DRC11: variants seen among roughly 807,000 people sequenced by gnomAD.
DRC11 encodes dynein regulatory complex subunit 11, also known as IQ and AAA domain-containing protein 1.
the DRC11 span, among the ~76,000 whole-genome samples, chr2:236,364,839 T>C: frequency 1.3e-5 from 2 of 152,176 alleles, no homozygotes; most frequent in African/African-American, 4.8e-5. Context: ...TATGCTTTTC[T>C]TTTTTCTTGT....
At chr2:236,333,747 G>C in the DRC11 span, among the ~76,000 whole-genome samples, 1 of 152,178 alleles carries the variant, frequency 6.6e-6, no homozygotes, top group South Asian at 2.1e-4. This position sits in a 1 kb window ranked among gnomAD's most constrained non-coding sequence, Gnocchi z 6.0. Flanking sequence ...CACAATCTTG[G>C]AAGTTTTCTG....
chr2:236,441,077 C>T, the DRC11 span: 2 of 1,561,372 alleles, frequency 1.3e-6, no homozygotes, highest in Non-Finnish European at 1.7e-6. Context: ...AATAGCTGAC[C>T]CTCCTTCTTC....
the DRC11 span, among the ~76,000 whole-genome samples, chr2:236,460,549 C>T: frequency 2.0e-5 from 3 of 152,098 alleles, no homozygotes; most frequent in African/African-American, 7.2e-5. The surrounding 1 kb of genome is among the most constrained non-coding windows in gnomAD (Gnocchi z 4.0). Flanking sequence ...GTAAAATCAA[C>T]CCAAATAGAT....
the DRC11 span, among the ~76,000 whole-genome samples, chr2:236,492,671 A>C: frequency 6.6e-6 from 1 of 152,200 alleles, no homozygotes; most frequent in Admixed American, 6.5e-5. Context: ...GTGAGGCAGT[A>C]AGTTACTGAA....
the DRC11 span, chr2:236,441,071 G>T: frequency 6.4e-7 from 1 of 1,560,510 alleles, no homozygotes; most frequent in East Asian, 2.4e-5. Flanking sequence ...AAAAATAATA[G>T]CTGACCCTCC....
the DRC11 span, among the ~76,000 whole-genome samples, chr2:236,353,939 A>AT: frequency 6.6e-6 from 1 of 152,194 alleles, no homozygotes; most frequent in Non-Finnish European, 1.5e-5. This position sits in a 1 kb window ranked among gnomAD's most constrained non-coding sequence, Gnocchi z 5.0. Flanking sequence ...TAAAAATTAC[A>AT]TTTTAAGTTT....
chr2:236,387,083 G>GC, the DRC11 span, among the ~76,000 whole-genome samples: 13 of 151,976 alleles, frequency 8.6e-5, no homozygotes, highest in Non-Finnish European at 1.0e-4. Flanking sequence ...TTACTTCCCA[G>GC]TATGTGGTCA....
the DRC11 span, among the ~76,000 whole-genome samples, chr2:236,309,378 T>C: frequency 1.3e-5 from 2 of 152,028 alleles, no homozygotes; most frequent in Admixed American, 6.5e-5. This position sits in a 1 kb window ranked among gnomAD's most constrained non-coding sequence, Gnocchi z 5.7. Context: ...GTCTAGCCCA[T>C]CCCGAGAGGT....
chr2:236,429,504 C>A, the DRC11 span, among the ~76,000 whole-genome samples: 550 of 152,244 alleles, frequency 3.6e-3, 3 homozygotes, highest in Middle Eastern at 0.014. The surrounding 1 kb of genome is among the most constrained non-coding windows in gnomAD (Gnocchi z 5.9). Flanking sequence ...GGGGGCCAGG[C>A]TAGCAGCTAC....
the DRC11 span, among the ~76,000 whole-genome samples, chr2:236,396,565 T>G: frequency 6.6e-6 from 1 of 152,120 alleles, no homozygotes; most frequent in African/African-American, 2.4e-5. Flanking sequence ...TCAGAGCTTT[T>G]GGGCCGGTCA....
chr2:236,343,412 C>T, the DRC11 span, among the ~76,000 whole-genome samples: 1 of 152,294 alleles, frequency 6.6e-6, no homozygotes, highest in Admixed American at 6.5e-5. This position sits in a 1 kb window ranked among gnomAD's most constrained non-coding sequence, Gnocchi z 6.6. Flanking sequence ...GGCTGAAATG[C>T]TTTCATTTAA....
the DRC11 span, among the ~76,000 whole-genome samples, chr2:236,453,178 A>G: frequency 6.6e-6 from 1 of 152,226 alleles, no homozygotes; most frequent in African/African-American, 2.4e-5. This position sits in a 1 kb window ranked among gnomAD's most constrained non-coding sequence, Gnocchi z 4.9. Flanking sequence ...TTAGGAAAAC[A>G]GACATAGGAG....
chr2:236,471,292 A>T, the DRC11 span, among the ~76,000 whole-genome samples: 1 of 152,012 alleles, frequency 6.6e-6, no homozygotes, highest in Admixed American at 6.5e-5. The surrounding 1 kb of genome is among the most constrained non-coding windows in gnomAD (Gnocchi z 4.6). Flanking sequence ...CTGACTTAAA[A>T]AAAAACACTT....
At chr2:236,308,541 G>GCT in the DRC11 span, among the ~76,000 whole-genome samples, 1 of 152,238 alleles carries the variant, frequency 6.6e-6, no homozygotes, top group Non-Finnish European at 1.5e-5. The surrounding 1 kb of genome is among the most constrained non-coding windows in gnomAD (Gnocchi z 6.0). Context: ...CGCTAGCGCT[G>GCT]CTGTGTGATA....
chr2:236,430,584 A>G, the DRC11 span, among the ~76,000 whole-genome samples: 1 of 152,202 alleles, frequency 6.6e-6, no homozygotes, highest in Non-Finnish European at 1.5e-5. The surrounding 1 kb of genome is among the most constrained non-coding windows in gnomAD (Gnocchi z 6.0). Flanking sequence ...ACCAAATAAG[A>G]TTGAGGTTAT....
chr2:236,397,929 C>A, the DRC11 span, among the ~76,000 whole-genome samples: 1 of 152,248 alleles, frequency 6.6e-6, no homozygotes, highest in East Asian at 1.9e-4. This position sits in a 1 kb window ranked among gnomAD's most constrained non-coding sequence, Gnocchi z 5.0. Context: ...CTGCACCTGA[C>A]ACCCTGGAAA....
At chr2:236,505,694 T>A in the DRC11 span, among the ~76,000 whole-genome samples, 1 of 152,140 alleles carries the variant, frequency 6.6e-6, no homozygotes, top group African/African-American at 2.4e-5. Context: ...CTGAATAGCA[T>A]CTTGATGCTG....
chr2:236,344,585 T>C, the DRC11 span: 1 of 1,613,634 alleles, frequency 6.2e-7, no homozygotes, highest in African/African-American at 1.3e-5. Flanking sequence ...AACTTTTTTG[T>C]AGAAGGTTTT....
the DRC11 span, among the ~76,000 whole-genome samples, chr2:236,377,354 T>G: frequency 6.6e-6 from 1 of 152,220 alleles, no homozygotes; most frequent in Non-Finnish European, 1.5e-5. The surrounding 1 kb of genome is among the most constrained non-coding windows in gnomAD (Gnocchi z 4.9). Flanking sequence ...GGGGATAAAT[T>G]AGGCTTTTTA....
Sources: gnomAD v4.1 joint callset for allele counts (sites outside exome capture counted in the v4.1 genomes callset) on GRCh38, gnomAD v4.1.1 for gene constraint, Gnocchi (gnomAD v3.1) non-coding constraint, MANE v1.5 for transcripts, NCBI Gene and HGNC (gene_info 2026-07-23, HGNC 2026-07-21) for gene names.